RSPO2: variants seen among roughly 807,000 people sequenced by gnomAD.
RSPO2 encodes R-spondin 2.
In RSPO2, 14 loss-of-function variants were observed where a neutral mutation model predicts 30.9. The observed-to-expected ratio is 0.45, with a 90% CI of 0.30 to 0.71. The LOEUF is 0.71. Ranked by LOEUF, RSPO2 falls within the 30% of genes least tolerant of loss-of-function variation. The pLI is 0.08. For missense variants in RSPO2, 264 were observed against 301.9 expected (o/e 0.87, Z 0.93); for synonymous variants, 107 against 96.4 (o/e 1.11, Z -0.64).
At chr8:108,051,932 T>C (rs1812091174) in intron 2 of RSPO2, among the ~76,000 whole-genome samples, 1 of 152,208 alleles carries the variant, frequency 6.6e-6, no homozygotes, top group Non-Finnish European at 1.5e-5. Flanking sequence ...GGCATTTCCA[T>C]CCTAGTTCAT....
intron 5 of RSPO2, among the ~76,000 whole-genome samples, chr8:107,906,382 T>G (rs1321875521): frequency 6.6e-6 from 1 of 151,486 alleles, no homozygotes; most frequent in Non-Finnish European, 1.5e-5. Context: ...ATTTTAGAAA[T>G]AGCATTTTAT....
intron 3 of RSPO2, among the ~76,000 whole-genome samples, chr8:107,967,390 T>C (rs1445472335): frequency 2.0e-5 from 3 of 152,226 alleles, no homozygotes; most frequent in Non-Finnish European, 4.4e-5. Context: ...ATCAAAATCA[T>C]GCATTTCTAA....
At chr8:108,056,393 C>T (rs62535504) in intron 2 of RSPO2, among the ~76,000 whole-genome samples, 25,038 of 151,582 alleles carry the variant, frequency 0.17, 2,685 homozygotes, top group East Asian at 0.43. Context: ...CCAAAGCAGG[C>T]AGATCGCTTG....
At chr8:108,002,135 G>A (rs1815271971) in intron 2 of RSPO2, among the ~76,000 whole-genome samples, 1 of 152,112 alleles carries the variant, frequency 6.6e-6, no homozygotes, top group African/African-American at 2.4e-5. Flanking sequence ...GCCAAGTGTT[G>A]GCTGGAGCTT....
chr8:107,907,417 T>G (rs1196519685), intron 5 of RSPO2, among the ~76,000 whole-genome samples: 1 of 152,054 alleles, frequency 6.6e-6, no homozygotes, highest in Non-Finnish European at 1.5e-5. Context: ...AAAAATAATC[T>G]AGAGACAAAG....
At chr8:108,009,760 A>T (rs1563561896) in intron 2 of RSPO2, among the ~76,000 whole-genome samples, 2 of 152,130 alleles carry the variant, frequency 1.3e-5, no homozygotes, top group Non-Finnish European at 2.9e-5. Context: ...ATTATAAGAC[A>T]CTGAATAGGC....
At chr8:108,005,230 T>C (rs1815412700) in intron 2 of RSPO2, among the ~76,000 whole-genome samples, 1 of 152,204 alleles carries the variant, frequency 6.6e-6, no homozygotes, top group Non-Finnish European at 1.5e-5. Flanking sequence ...TTACTGGTGA[T>C]GCTAACTTTG....
intron 5 of RSPO2, among the ~76,000 whole-genome samples, chr8:107,935,259 T>C (rs2130357583): frequency 6.6e-6 from 1 of 152,320 alleles, no homozygotes; most frequent in African/African-American, 2.4e-5. Context: ...AATTACATAC[T>C]ACTGTAAATC....
chr8:108,080,353 AT>A (rs111813775), intron 2 of RSPO2, among the ~76,000 whole-genome samples: 20 of 150,196 alleles, frequency 1.3e-4, no homozygotes, highest in South Asian at 6.4e-4. Context: ...AAAAAGTTTG[AT>A]TTTTTTTTTA....
chr8:107,901,424 G>A (rs1264298967), intron 5 of RSPO2, among the ~76,000 whole-genome samples: 1 of 152,174 alleles, frequency 6.6e-6, no homozygotes, highest in Non-Finnish European at 1.5e-5. Context: ...CTGGCATATT[G>A]AAAAACCTCC....
chr8:107,967,222 C>T (rs1813835399), intron 3 of RSPO2, among the ~76,000 whole-genome samples: 1 of 152,170 alleles, frequency 6.6e-6, no homozygotes, highest in African/African-American at 2.4e-5. Flanking sequence ...ATTAGACTTT[C>T]AGCAAATTTT....
chr8:108,020,562 T>TAC (rs1345876370), intron 2 of RSPO2, among the ~76,000 whole-genome samples: 2 of 152,212 alleles, frequency 1.3e-5, no homozygotes, highest in South Asian at 2.1e-4. Flanking sequence ...AGAATACCTT[T>TAC]ACCTGCAATG....
chr8:107,911,592 C>T (rs1811829710), intron 5 of RSPO2, among the ~76,000 whole-genome samples: 1 of 152,114 alleles, frequency 6.6e-6, no homozygotes, highest in African/African-American at 2.4e-5. Context: ...TTATACCTGG[C>T]ACACAAACAC....
intron 2 of RSPO2, among the ~76,000 whole-genome samples, chr8:108,051,708 G>T (rs2130680331): frequency 6.6e-6 from 1 of 152,236 alleles, no homozygotes. Context: ...CCAATACTCA[G>T]ATCCATTCCT....
intron 5 of RSPO2, among the ~76,000 whole-genome samples, chr8:107,945,304 A>T (rs900663627): frequency 8.2e-6 from 1 of 121,776 alleles, no homozygotes; most frequent in Non-Finnish European, 1.6e-5. Context: ...GCTGGAGTGC[A>T]GTGGCGCGAT....
chr8:108,021,381 G>A (rs1023620220), intron 2 of RSPO2, among the ~76,000 whole-genome samples: 43 of 152,152 alleles, frequency 2.8e-4, no homozygotes, highest in Admixed American at 7.2e-4. Flanking sequence ...GACCTAAGTA[G>A]AATGAGCAGA....
intron 5 of RSPO2, among the ~76,000 whole-genome samples, chr8:107,914,635 A>G (rs970403306): frequency 2.6e-5 from 4 of 152,140 alleles, no homozygotes; most frequent in East Asian, 1.9e-4. Context: ...ACAGATGTAA[A>G]AAAACCTTCC....
intron 3 of RSPO2, among the ~76,000 whole-genome samples, chr8:107,974,837 C>T (rs1195802184): frequency 1.0e-5 from 1 of 97,812 alleles, no homozygotes; most frequent in Admixed American, 1.1e-4. Context: ...TGTGAACACA[C>T]ACATACACAT....
intron 2 of RSPO2, among the ~76,000 whole-genome samples, chr8:108,025,395 G>A (rs1236530502): frequency 6.6e-6 from 1 of 152,204 alleles, no homozygotes; most frequent in Non-Finnish European, 1.5e-5. Context: ...AGGTCCCAGT[G>A]TTCCATGTCC....
Sources: gnomAD v4.1 joint callset for allele counts (sites outside exome capture counted in the v4.1 genomes callset) on GRCh38, gnomAD v4.1.1 for gene constraint, MANE v1.5 for transcripts, NCBI Gene and HGNC (gene_info 2026-07-23, HGNC 2026-07-21) for gene names.